Variants in CYLD observed in about 807,000 individuals in gnomAD.
The protein encoded by CYLD is CYLD lysine 63 deubiquitinase.
A neutral mutation model predicts 104.5 loss-of-function variants in CYLD; 26 were observed. The ratio of observed to expected loss-of-function variants is 0.25; its 90% CI spans 0.18 to 0.35. CYLD has a LOEUF of 0.35. CYLD is among the 10% of genes least tolerant of loss of function. CYLD has a pLI of 1.00. For missense variants in CYLD, 703 were observed against 1,136.1 expected (o/e 0.62, Z 5.48); for synonymous variants, 385 against 399.9 (o/e 0.96, Z 0.45).
rs1970016502 is a variant in CYLD at position 50,779,626 on chromosome 16, T to G, written c.1139-39T>G. ...TTAGAAATGTAAGACAGAGTCAATATCCTTGAATACATTTCTGTAATTAGG... is the reference window on the plus strand; with the variant it reads ...TTAGAAATGTAAGACAGAGTCAATAGCCTTGAATACATTTCTGTAATTAGG... On this transcript the variant is annotated intron_variant, in intron 8 of 18. Transcript: ENST00000427738. 4 of 1,603,064 alleles carry G rather than the reference T, an allele frequency of 2.5e-6. No homozygotes were observed. The South Asian group carries it at 4.4e-5, about 18-fold the overall frequency.
In CYLD at chr16:50,777,553, A is replaced by AT. The variant is rs568496119; in HGVS notation, c.1022-264dup. 6.2e-4 allele frequency among the ~76,000 whole-genome samples: 95 copies of AT among 152,100 alleles called. 1 individual carries two copies. The highest frequency in any genetic ancestry group is 4.1e-3 in the Admixed American group (63 of 15,268). ...ATGGAACAATTTCTTAAAGCAGTTC[A>AT]TTTTTTTTAAAAATGAGTGGGCTTT... On this transcript the variant is annotated intron_variant, in intron 7 of 18. Coordinates refer to ENST00000427738, the MANE Select transcript of CYLD (RefSeq NM_001378743.1).
At chr16:50,782,523 CCGG>C in intron 11 of CYLD, 57 bp downstream of exon 11, 1 of 1,546,498 alleles carries the variant, frequency 6.5e-7, no homozygotes, top group Non-Finnish European at 8.9e-7. Flanking sequence ...GGGACACATA[CCGG>C]TGTGTGTGTG....
chr16:50,795,841 T>A, intron 18 of CYLD: 1 of 541,538 alleles, frequency 1.8e-6, no homozygotes, highest in Non-Finnish European at 3.3e-6. Context: ...CCAGAGCACC[T>A]TCATCAGGGC....
At position 50,751,774 on chromosome 16, in the gene CYLD, C is replaced by T. The variant is rs184354524; in HGVS notation, c.675C>T (p.Val225=). ...CAGGTCCTGGGGACACAATGCAGGT[C>T]GAACTTCCTCCTTTGGAAATAAACT... ...DYAGPGDTMQ[V]ELPPLEINSR... Residue 225 remains valine (V), a synonymous_variant, in exon 4 of 19, where the codon GTC becomes GTT. Transcript: ENST00000427738. 3.0e-5 allele frequency: 48 copies of T among 1,613,510 alleles called. No homozygotes were observed. The East Asian group carries it at 6.5e-4, about 22-fold the overall frequency.
chr16:50,778,635 A>AT (rs2150987849), intron 8 of CYLD, among the ~76,000 whole-genome samples: 1 of 152,324 alleles, frequency 6.6e-6, no homozygotes, highest in Admixed American at 6.5e-5. Flanking sequence ...GGGAGAAGAA[A>AT]TAGCATAGGG....
intron 13 of CYLD, chr16:50,787,565 T>A (rs892386369): frequency 1.5e-5 from 7 of 479,356 alleles, no homozygotes; most frequent in African/African-American, 3.9e-5. Context: ...TCAAATGTAA[T>A]AAACTCACAA....
intron 5 of CYLD, among the ~76,000 whole-genome samples, chr16:50,757,970 G>A (rs958842963): frequency 2.0e-5 from 3 of 152,112 alleles, no homozygotes; most frequent in African/African-American, 7.2e-5. Context: ...ATATTATTAA[G>A]CCCTTACCTA....
intron 14 of CYLD, 23 bp from the exon 15 acceptor site, chr16:50,791,534 AT>A: frequency 1.2e-6 from 2 of 1,613,082 alleles, no homozygotes; most frequent in Non-Finnish European, 8.5e-7. Context: ...GGTTGTATGT[AT>A]TTTTTTCTCT....
chr16:50,754,411 T>C lies in CYLD; in HGVS notation c.900T>C (p.Asn300=), dbSNP rs1966841839. ...AAAGTACAATTCTATTGCACATCAATGATATCATCCCAGGTATGTTTTCTT... is the reference window on the plus strand; with the variant it reads ...AAAGTACAATTCTATTGCACATCAACGATATCATCCCAGGTATGTTTTCTT... The part of the protein sequence containing the change: ...CVESTILLHI[N]DIIPALSESV... Residue 300 remains asparagine (N), a synonymous_variant, in exon 5 of 19, where the codon AAT becomes AAC. Coordinates refer to ENST00000427738, the MANE Select transcript of CYLD (RefSeq NM_001378743.1). The C allele has an allele frequency of 6.2e-7, 1 of 1,605,022 alleles. No individual in the cohort carries two copies. The highest frequency in any genetic ancestry group is 8.5e-7 in the Non-Finnish European group (1 of 1,172,188).
chr16:50,755,118 C>T (rs144798250), intron 5 of CYLD, among the ~76,000 whole-genome samples: 4,399 of 39,152 alleles, frequency 0.11, 553 homozygotes, highest in African/African-American at 0.39. Context: ...CACATATACA[C>T]ATGTGTATAT....
chr16:50,793,920 A>ATTT lies in CYLD; in HGVS notation c.2469+273_2470-273dup, dbSNP rs34233862. Among the ~76,000 whole-genome samples, 20 of 131,078 alleles carry ATTT rather than the reference A, an allele frequency of 1.5e-4. 1 individual carries two copies. The highest frequency in any genetic ancestry group is 1.7e-4 in the African/African-American group (6 of 34,686). 86.0% of individuals were successfully genotyped at this position (131,078 alleles called of 152,430 possible). A position where few individuals can be genotyped will look rare whatever the true frequency, so the allele number is the denominator to read the frequency against. On this transcript the variant is annotated intron_variant, in intron 17 of 18. Coordinates refer to ENST00000427738, the MANE Select transcript of CYLD (RefSeq NM_001378743.1). ...ACATTGAGTTTCTCTCATTAATGAC[A>ATTT]TTTTTTTTTTTTTTTTTTTGAGACT...
intron 2 of CYLD, among the ~76,000 whole-genome samples, chr16:50,747,593 G>A (rs145655075): frequency 6.6e-6 from 1 of 152,206 alleles, no homozygotes; most frequent in East Asian, 1.9e-4. Flanking sequence ...CAACACTTCA[G>A]TTTGGTCCTT....
rs1567427197 is a variant in CYLD, at chr16:50,755,136, CGTGT to C, written c.913+713_913+716del. Among the ~76,000 whole-genome samples, 19 of 131,248 alleles carry C rather than the reference CGTGT, an allele frequency of 1.4e-4. 1 individual carries two copies. Among genetic ancestry groups the C allele is most frequent in the African/African-American group, 4.2e-4 (14 of 33,482 alleles). 86.1% of individuals were successfully genotyped at this position (131,248 alleles called of 152,430 possible). On this transcript the variant is annotated intron_variant, in intron 5 of 18. Coordinates refer to ENST00000427738, the MANE Select transcript of CYLD (RefSeq NM_001378743.1). ...ATATACACATGTGTATATATACACA[CGTGT>C]ACATATGTGTGTATATACACACGTG...
In CYLD at chr16:50,780,053, A is replaced by T; in HGVS notation, c.1518+9A>T. On this transcript the variant is annotated intron_variant, in intron 9 of 18. Coordinates refer to ENST00000427738, the MANE Select transcript of CYLD (RefSeq NM_001378743.1). ...TCGCTGGACTGGAACTGGTAATTTA[A>T]CTTGACCCAAAAATTTCAATTTTTT... is the stretch of plus-strand genomic sequence containing the variant. The T allele has an allele frequency of 6.2e-7, 1 of 1,613,804 alleles. No individual in the cohort carries two copies. The highest frequency in any genetic ancestry group is 8.5e-7 in the Non-Finnish European group (1 of 1,179,936).
Position 50,796,631 on chromosome 16 carries a change from A to G in CYLD, c.*123A>G, listed in dbSNP as rs921479658. The G allele has an allele frequency of 5.0e-6, 5 of 1,008,720 alleles. No individual in the cohort carries two copies. The African/African-American group carries it at 7.9e-5, about 16-fold the overall frequency. The allele number at this position is 1,008,720 out of a possible 1,614,324, so 62.5% of individuals were successfully genotyped here. A position where few individuals can be genotyped will look rare whatever the true frequency, so the allele number is the denominator to read the frequency against. ...GATGTCTTTGTGGTGATGATCCTTC[A>G]GAAAAGGATGCCTCTGTTTAAAAAC... On this transcript the variant is annotated 3_prime_UTR_variant, in exon 19 of 19. Transcript: ENST00000427738.
intron 2 of CYLD, among the ~76,000 whole-genome samples, chr16:50,746,979 C>T (rs1012359190): frequency 6.6e-6 from 1 of 152,024 alleles, no homozygotes; most frequent in African/African-American, 2.4e-5. Flanking sequence ...TATTTGAAGA[C>T]ATTGTTCTTA....
chr16:50,773,025 T>C (rs1311764243), intron 5 of CYLD, among the ~76,000 whole-genome samples: 1 of 152,236 alleles, frequency 6.6e-6, no homozygotes, highest in Non-Finnish European at 1.5e-5. Context: ...CTATGTAGGA[T>C]ATTTCTGGCA....
At chr16:50,742,430 C>T (rs1965771490) in intron 1 of CYLD, 3 of 205,958 alleles carry the variant, frequency 1.5e-5, no homozygotes, top group South Asian at 3.7e-4. Context: ...TTCCCCATCC[C>T]CCGAGGCTTC....
Position 50,749,858 on chromosome 16 carries a change from T to C in CYLD, c.160T>C (p.Ser54Pro), listed in dbSNP as rs749025501. The change falls in exon 3 of 19, where the codon TCT becomes CCT. Residue 54 changes from serine (S) to proline (P), a missense_variant. Transcript: ENST00000427738. ...TATAGGACAGTATATTCAAGATCGT[T>C]CTGTGGGGCATTCAAGGATTCCTTC... ...GSIGQYIQDR[S>P]VGHSRIPSAK... is the part of the protein sequence containing the mutation. The C allele has an allele frequency of 1.2e-6, 2 of 1,614,154 alleles. No homozygotes were observed. Among genetic ancestry groups the C allele is most frequent in the South Asian group, 2.2e-5 (2 of 91,082 alleles).
Sources: gnomAD v4.1 joint callset for allele counts (sites outside exome capture counted in the v4.1 genomes callset) on GRCh38, gnomAD v4.1.1 for gene constraint, MANE v1.5 for transcripts, NCBI Gene and HGNC (gene_info 2026-07-23, HGNC 2026-07-21) for gene names.